The following SPATS2L variants were observed in gnomAD, a reference collection of about 807,000 sequenced individuals.
The protein encoded by SPATS2L is spermatogenesis associated serine rich 2 like, also known as SPATS2-like protein.
SPATS2L carries 30 observed loss-of-function variants against 59.6 expected under a neutral mutation model. The ratio of observed to expected loss-of-function variants is 0.50; its 90% confidence interval spans 0.38 to 0.68. The LOEUF is 0.68. Among genes scored for constraint, SPATS2L ranks in the 30% least tolerant of loss-of-function variants. The pLI, the probability that SPATS2L is intolerant of heterozygous loss-of-function variation, is 0.00. For missense variants in SPATS2L, 615 were observed against 700.0 expected (o/e 0.88, Z 1.37); for synonymous variants, 252 against 263.5 (o/e 0.96, Z 0.42).
intron 2 of SPATS2L, among the ~76,000 whole-genome samples, chr2:200,385,412 G>C (rs1220362017): frequency 1.3e-5 from 2 of 152,218 alleles, no homozygotes; most frequent in Non-Finnish European, 2.9e-5. Flanking sequence ...TGACTGGGCA[G>C]ATATAGTTCA....
intron 8 of SPATS2L, among the ~76,000 whole-genome samples, chr2:200,453,205 G>T (rs768400975): frequency 2.0e-5 from 3 of 152,196 alleles, no homozygotes; most frequent in Non-Finnish European, 4.4e-5. Context: ...AGCATAGAGG[G>T]TGCAGGAGAG....
chr2:200,334,388 C>A (rs1234068196), intron 2 of SPATS2L, among the ~76,000 whole-genome samples: 1 of 151,924 alleles, frequency 6.6e-6, no homozygotes, highest in Non-Finnish European at 1.5e-5. Flanking sequence ...TGTTTGAGTT[C>A]TTTGTAGATT....
At chr2:200,411,499 G>T (rs1286463629) in intron 3 of SPATS2L, among the ~76,000 whole-genome samples, 1 of 152,186 alleles carries the variant, frequency 6.6e-6, no homozygotes, top group Non-Finnish European at 1.5e-5. Context: ...AGTAGCAGCT[G>T]CAGTAATCCC....
intron 2 of SPATS2L, among the ~76,000 whole-genome samples, chr2:200,343,674 CAG>C (rs1249425178): frequency 6.6e-6 from 1 of 152,024 alleles, no homozygotes; most frequent in Non-Finnish European, 1.5e-5. Flanking sequence ...ATATAGTAAA[CAG>C]GAAATTGCTT....
intron 2 of SPATS2L, among the ~76,000 whole-genome samples, chr2:200,348,832 A>G (rs1463148353): frequency 1.3e-5 from 2 of 152,098 alleles, no homozygotes; most frequent in Non-Finnish European, 2.9e-5. Context: ...TGGCCCTTGA[A>G]AGAAAGAGAA....
At chr2:200,394,315 C>T (rs1471174247) in intron 3 of SPATS2L, among the ~76,000 whole-genome samples, 2 of 152,152 alleles carry the variant, frequency 1.3e-5, no homozygotes, top group Non-Finnish European at 2.9e-5. Flanking sequence ...AGGCTGTTTC[C>T]TCTGTCTGGG....
intron 1 of SPATS2L, chr2:200,309,107 T>C (rs1373910135): frequency 1.4e-6 from 1 of 717,784 alleles, no homozygotes; most frequent in Non-Finnish European, 2.6e-6. Context: ...GGTAAGCTTT[T>C]ACATCAGAAG....
intron 6 of SPATS2L, among the ~76,000 whole-genome samples, chr2:200,424,556 G>C (rs2106028636): frequency 6.6e-6 from 1 of 152,096 alleles, no homozygotes; most frequent in East Asian, 1.9e-4. Context: ...TTTTTTCTAA[G>C]ACCCTATCTA....
intron 3 of SPATS2L, among the ~76,000 whole-genome samples, chr2:200,407,143 C>T (rs2082715161): frequency 6.6e-6 from 1 of 151,780 alleles, no homozygotes; most frequent in Admixed American, 6.6e-5. Flanking sequence ...CTAATATATG[C>T]CAAATTCTAT....
chr2:200,321,737 C>T (rs2079565913), intron 1 of SPATS2L, among the ~76,000 whole-genome samples: 1 of 152,112 alleles, frequency 6.6e-6, no homozygotes, highest in South Asian at 2.1e-4. Context: ...TATGGAGAGG[C>T]AGAAAAAAAC....
At chr2:200,471,833 T>C (rs1027138984) in intron 11 of SPATS2L, among the ~76,000 whole-genome samples, 1 of 152,230 alleles carries the variant, frequency 6.6e-6, no homozygotes, top group Non-Finnish European at 1.5e-5. Context: ...AGCAGAACCC[T>C]GGGATTAAAT....
At chr2:200,373,441 T>G (rs2081499572) in intron 2 of SPATS2L, among the ~76,000 whole-genome samples, 1 of 152,240 alleles carries the variant, frequency 6.6e-6, no homozygotes, top group Non-Finnish European at 1.5e-5. Flanking sequence ...ACTTAAAGAC[T>G]GGCTGGTAGC....
chr2:200,308,263 A>G (rs1231240223), intron 1 of SPATS2L, among the ~76,000 whole-genome samples: 5 of 151,926 alleles, frequency 3.3e-5, no homozygotes, highest in East Asian at 1.9e-4. Flanking sequence ...ACTTCAAATA[A>G]TACAACCAAT....
At chr2:200,311,016 G>A (rs1351074032) in intron 1 of SPATS2L, among the ~76,000 whole-genome samples, 2 of 152,316 alleles carry the variant, frequency 1.3e-5, no homozygotes. Flanking sequence ...GTAAGGCACT[G>A]ATGTGCCTTT....
At chr2:200,340,349 G>C (rs987886097) in intron 2 of SPATS2L, among the ~76,000 whole-genome samples, 1 of 152,118 alleles carries the variant, frequency 6.6e-6, no homozygotes, top group Non-Finnish European at 1.5e-5. Context: ...GGGTATGTCT[G>C]TTCCTTCCTG....
intron 10 of SPATS2L, 52 bp downstream of exon 10, chr2:200,467,451 A>G (rs529807905): frequency 2.2e-5 from 29 of 1,303,950 alleles, no homozygotes; most frequent in South Asian, 3.6e-5. Context: ...GCTGATCCCA[A>G]TTATGTTTGT....
At chr2:200,318,714 A>T (rs149732569) in intron 1 of SPATS2L, among the ~76,000 whole-genome samples, 2 of 152,214 alleles carry the variant, frequency 1.3e-5, no homozygotes, top group Non-Finnish European at 2.9e-5. Context: ...TGTGTGTACT[A>T]GGAGTATCTT....
chr2:200,381,460 T>A (rs1309646602), intron 2 of SPATS2L, among the ~76,000 whole-genome samples: 1 of 152,180 alleles, frequency 6.6e-6, no homozygotes, highest in Non-Finnish European at 1.5e-5. Context: ...TATAGACAGA[T>A]GTGAAGTTCT....
At position 200,477,800 on chromosome 2, in the gene SPATS2L, A is replaced by C; in HGVS notation, c.1446A>C (p.Lys482Asn). The part of the protein sequence containing the change: ...RRQPHNGFRP[K>N]NKGGAKNQEA... ...AGCCGCACAACGGCTTCCGGCCCAAAAACAAAGGCGGTGCCAAAAATCAAG... is the reference window on the plus strand; with the variant it reads ...AGCCGCACAACGGCTTCCGGCCCAACAACAAAGGCGGTGCCAAAAATCAAG... Residue 482 changes from lysine (K) to asparagine (N), a missense_variant, in exon 13 of 13, where the codon AAA becomes AAC. Lys to Asn is a moderately conservative substitution (Grantham distance 94). Around this residue, in one of 3 missense-constraint regions of SPATS2L, gnomAD observed 284 missense variants for 280.1 expected, o/e 1.01. Transcript: ENST00000409140. The C allele has an allele frequency of 6.3e-7, 1 of 1,575,454 alleles. No individual in the cohort carries two copies. Among genetic ancestry groups the C allele is most frequent in the Non-Finnish European group, 8.6e-7 (1 of 1,160,456 alleles).
Sources: allele counts gnomAD v4.1 joint callset (sites outside exome capture counted in the v4.1 genomes callset), GRCh38; gene constraint gnomAD v4.1.1; regional missense constraint gnomAD v4.1.1; transcripts MANE v1.5; gene names NCBI Gene and HGNC (gene_info 2026-07-23, HGNC 2026-07-21).